The following INVS variants were observed in gnomAD, a reference collection of about 807,000 sequenced individuals.
INVS encodes the protein inversion of embryo turning homolog.
A neutral mutation model predicts 108.8 loss-of-function variants in INVS; 86 were observed. The observed-to-expected ratio is 0.79, with a 90% CI of 0.66 to 0.95. INVS has a LOEUF of 0.95. Among genes scored for constraint, INVS ranks in the 40% least tolerant of loss-of-function variants. INVS has a pLI of 0.00. For synonymous variants in INVS, 455 were observed against 473.5 expected (o/e 0.96, Z 0.51); for missense variants, 1,169 against 1,297.4 (o/e 0.90, Z 1.52).
intron 6 of INVS, among the ~76,000 whole-genome samples, chr9:100,241,920 T>G (rs927338850): frequency 3.3e-5 from 5 of 152,242 alleles, no homozygotes; most frequent in Non-Finnish European, 5.9e-5. Context: ...TATTCATTTT[T>G]TAATATTTTC....
chr9:100,166,747 C>T (rs1829375999), intron 3 of INVS, among the ~76,000 whole-genome samples: 1 of 152,152 alleles, frequency 6.6e-6, no homozygotes, highest in African/African-American at 2.4e-5. Context: ...TCAACATTCC[C>T]TTTACCACCA....
At chr9:100,268,872 T>C (rs2118648397) in intron 11 of INVS, among the ~76,000 whole-genome samples, 1 of 152,330 alleles carries the variant, frequency 6.6e-6, no homozygotes, top group East Asian at 1.9e-4. Flanking sequence ...CAGATCAGCA[T>C]TCTTTAGGGT....
chr9:100,267,850 A>C (rs984524123), intron 11 of INVS, among the ~76,000 whole-genome samples: 3 of 152,224 alleles, frequency 2.0e-5, no homozygotes, highest in African/African-American at 7.2e-5. Context: ...ATTTGAATAA[A>C]CCAATTACAA....
rs867172688 is a variant in INVS, at chr9:100,273,025, G to A, written c.1733G>A (p.Arg578Lys). ...GYKVRKAFRD[R>K]KNLLMKHEQL... ...AAGGTCAGAAAAGCCTTCCGAGACA[G>A]GAAAAATCTCCTCATGAAGCATGAA... Residue 578 changes from arginine (R) to lysine (K), a missense_variant, in exon 12 of 17, where the codon AGG (arginine) becomes AAG (lysine). Around this residue, in one of 3 missense-constraint regions of INVS, gnomAD observed 271 missense variants for 363.8 expected, o/e 0.74. Coordinates refer to ENST00000262457, the MANE Select transcript of INVS (RefSeq NM_014425.5). 8 of 1,614,020 alleles carry A rather than the reference G, an allele frequency of 5.0e-6. 1 individual carries two copies. Among genetic ancestry groups the A allele is most frequent in the Middle Eastern group, 3.3e-4 (2 of 6,062 alleles).
intron 2 of INVS, among the ~76,000 whole-genome samples, chr9:100,106,545 A>T (rs769545942): frequency 6.6e-6 from 1 of 152,192 alleles, no homozygotes; most frequent in Non-Finnish European, 1.5e-5. Flanking sequence ...AGTATATTTC[A>T]TTCTCATAAT....
At chr9:100,292,226 GTGA>G in intron 13 of INVS, 97 bp from the exon 14 acceptor site, 1 of 1,061,116 alleles carries the variant, frequency 9.4e-7, no homozygotes, top group Non-Finnish European at 1.5e-6. Context: ...CACTATTATG[GTGA>G]TGATATAGGC....
chr9:100,168,674 G>A (rs1050769590), intron 3 of INVS, among the ~76,000 whole-genome samples: 1 of 152,158 alleles, frequency 6.6e-6, no homozygotes, highest in Non-Finnish European at 1.5e-5. Flanking sequence ...CTTATTCATG[G>A]TGAAGGGAAT....
At chr9:100,155,929 G>A (rs1240010189) in intron 3 of INVS, among the ~76,000 whole-genome samples, 1 of 152,168 alleles carries the variant, frequency 6.6e-6, no homozygotes, top group Non-Finnish European at 1.5e-5. Flanking sequence ...GAATTTCATA[G>A]CACTAGCTAC....
rs751448611 is a variant in INVS, at chr9:100,240,181, G to T, written c.737G>T (p.Cys246Phe). ...GATGTCTTGACCTCATATGAAAGCTGCAATATAACGTCTTATGATAACTTA... is the reference window on the plus strand; with the variant it reads ...GATGTCTTGACCTCATATGAAAGCTTCAATATAACGTCTTATGATAACTTA... Reference protein sequence around the residue: ...VVDVLTSYESCNITSYDNLFR... With the variant: ...VVDVLTSYESFNITSYDNLFR... The change falls in exon 6 of 17, where the codon TGC becomes TTC. Residue 246 changes from cysteine (C) to phenylalanine (F), a missense_variant. Cys to Phe is a radical substitution (Grantham distance 205). This residue lies in a region of INVS where 365 missense variants were observed against 397.5 expected (regional missense o/e 0.92). Transcript: ENST00000262457. 18 of 1,613,820 alleles carry T rather than the reference G, an allele frequency of 1.1e-5. No homozygotes were observed. The highest frequency in any genetic ancestry group is 1.4e-5 in the Non-Finnish European group (17 of 1,179,924).
At chr9:100,116,156 T>C (rs1334253563) in intron 2 of INVS, among the ~76,000 whole-genome samples, 8 of 150,828 alleles carry the variant, frequency 5.3e-5, no homozygotes, top group Non-Finnish European at 1.2e-4. Context: ...TAAGCTGGAG[T>C]GCAGTGGTGC....
At chr9:100,217,372 T>C (rs1310661301) in intron 3 of INVS, among the ~76,000 whole-genome samples, 2 of 152,184 alleles carry the variant, frequency 1.3e-5, no homozygotes. Context: ...CATCTTTTAC[T>C]GTCTTGTCAG....
intron 3 of INVS, among the ~76,000 whole-genome samples, chr9:100,207,433 AC>A (rs1830707603): frequency 6.6e-6 from 1 of 152,056 alleles, no homozygotes; most frequent in Non-Finnish European, 1.5e-5. Flanking sequence ...AGCTGGGAAT[AC>A]AGGCGTGCAC....
In INVS at chr9:100,287,549, C is replaced by T. The variant is rs1009068144; in HGVS notation, c.2068+2946C>T. Among the ~76,000 whole-genome samples the T allele has an allele frequency of 3.3e-5, 5 of 152,212 alleles. No homozygotes were observed. In the South Asian group the frequency reaches 1.0e-3, roughly 32 times the overall value. On this transcript the variant is annotated intron_variant, in intron 13 of 16. Transcript: ENST00000262457. ...TGTCCCCACCCAAATTCCCAGTGTT[C>T]GGGGAGGGACTTGGTGGGAGGTAAT... is the stretch of plus-strand genomic sequence containing the variant.
intron 11 of INVS, 77 bp from the exon 12 acceptor site, chr9:100,272,784 CATA>C: frequency 1.6e-6 from 2 of 1,285,126 alleles, no homozygotes; most frequent in Non-Finnish European, 2.3e-6. Flanking sequence ...CCTTCTGCTG[CATA>C]ATAATATTTT....
At chr9:100,125,591 T>C (rs1305658540) in intron 2 of INVS, among the ~76,000 whole-genome samples, 2 of 152,070 alleles carry the variant, frequency 1.3e-5, no homozygotes, top group African/African-American at 2.4e-5. Context: ...CCTTTTGCCC[T>C]GGGGATTTTA....
chr9:100,189,106 C>CTTT (rs60762136), intron 3 of INVS, among the ~76,000 whole-genome samples: 730 of 68,866 alleles, frequency 0.011, no homozygotes, highest in Middle Eastern at 0.022. Flanking sequence ...TTTGCATCTT[C>CTTT]TTTTTTTTTT....
intron 16 of INVS, chr9:100,298,452 C>G (rs1833855037): frequency 2.2e-6 from 1 of 445,968 alleles, no homozygotes; most frequent in African/African-American, 2.1e-5. Context: ...TTCCCTCATA[C>G]AGGAGAAGCT....
rs1829307497 is a variant in INVS at position 100,164,827 on chromosome 9, G to A, written c.273+38278G>A. 2.0e-5 allele frequency among the ~76,000 whole-genome samples: 3 copies of A among 151,384 alleles called. No individual in the cohort carries two copies. In the South Asian group the frequency reaches 6.3e-4, roughly 32 times the overall value. ...AAATAAGAGCTATATATTGTGATTG[G>A]CTGATATGTCAAGTCTTTTTTAATC... is the stretch of plus-strand genomic sequence containing the variant. On this transcript the variant is annotated intron_variant, in intron 3 of 16. Transcript: ENST00000262457.
chr9:100,289,207 A>G (rs1469779250), intron 13 of INVS, among the ~76,000 whole-genome samples: 20 of 152,138 alleles, frequency 1.3e-4, no homozygotes, highest in Non-Finnish European at 2.8e-4. Flanking sequence ...TCTATCTTCT[A>G]TGTTACTGCA....
Sources: allele counts gnomAD v4.1 joint callset (sites outside exome capture counted in the v4.1 genomes callset), GRCh38; gene constraint gnomAD v4.1.1; regional missense constraint gnomAD v4.1.1; transcripts MANE v1.5; gene names NCBI Gene and HGNC (gene_info 2026-07-23, HGNC 2026-07-21).